The following THRB variants were observed in gnomAD, a reference collection of about 807,000 sequenced individuals.
THRB encodes the protein thyroid hormone receptor beta, also known as nuclear receptor subfamily 1 group A member 2.
A neutral mutation model predicts 47.8 loss-of-function variants in THRB; 12 were observed. That is an observed-to-expected ratio of 0.25 (90% CI 0.16 to 0.41). The LOEUF (loss-of-function observed/expected upper bound fraction) is 0.41. THRB is among the 10% of genes least tolerant of loss of function. The pLI is 1.00. For missense variants in THRB, 348 were observed against 589.2 expected (o/e 0.59, Z 4.24); for synonymous variants, 218 against 212.2 (o/e 1.03, Z -0.24).
chr3:24,444,309 A>G (rs1288256147), intron 1 of THRB, among the ~76,000 whole-genome samples: 1 of 152,204 alleles, frequency 6.6e-6, no homozygotes, highest in Non-Finnish European at 1.5e-5. Flanking sequence ...AAAAATAATT[A>G]TCATTAACAA....
At chr3:24,355,588 G>A (rs2063623506) in intron 1 of THRB, among the ~76,000 whole-genome samples, 2 of 152,072 alleles carry the variant, frequency 1.3e-5, no homozygotes, top group Admixed American at 1.3e-4. Flanking sequence ...TAGGAATGAG[G>A]GCATAAAAGA....
At chr3:24,254,639 G>C (rs2051056004) in intron 3 of THRB, among the ~76,000 whole-genome samples, 1 of 152,172 alleles carries the variant, frequency 6.6e-6, no homozygotes, top group South Asian at 2.1e-4. Flanking sequence ...CAATACTTTG[G>C]ATTCTGTTGA....
In THRB at chr3:24,171,564, G is replaced by A. The variant is rs370351578; in HGVS notation, c.283+18510C>T. Among the ~76,000 whole-genome samples, 34 of 152,260 alleles carry A rather than the reference G, an allele frequency of 2.2e-4. 1 individual carries two copies. The highest frequency in any genetic ancestry group is 7.7e-4 in the African/African-American group (32 of 41,554). On this transcript the variant is annotated intron_variant, in intron 5 of 10. Coordinates refer to ENST00000646209, the MANE Select transcript of THRB (RefSeq NM_001354712.2). Reference sequence around the variant, plus strand: ...GATGAAGTGACTTGTCACATGGTAGGTGGTAGCCGTTGAGGCCGTGACCCA... The same window carrying A: ...GATGAAGTGACTTGTCACATGGTAGATGGTAGCCGTTGAGGCCGTGACCCA...
At chr3:24,453,787 C>G (rs1158984680) in intron 1 of THRB, among the ~76,000 whole-genome samples, 1 of 152,182 alleles carries the variant, frequency 6.6e-6, no homozygotes, top group Non-Finnish European at 1.5e-5. Flanking sequence ...ACCTTACCAT[C>G]TTTCTATTCC....
chr3:24,277,326 C>A lies in THRB; in HGVS notation c.-43+19900G>T, dbSNP rs574459809. 2.6e-5 allele frequency among the ~76,000 whole-genome samples: 4 copies of A among 152,306 alleles called. No individual in the cohort carries two copies. The South Asian group carries it at 8.3e-4, about 32-fold the overall frequency. On this transcript the variant is annotated intron_variant, in intron 3 of 10. Coordinates refer to ENST00000646209, the MANE Select transcript of THRB (RefSeq NM_001354712.2). ...CATCCTACAATACACAGGACACTCT[C>A]TCACAGCAGAGAATCATCTGGTTCA...
At chr3:24,352,167 G>A (rs1343482002) in intron 1 of THRB, among the ~76,000 whole-genome samples, 1 of 152,160 alleles carries the variant, frequency 6.6e-6, no homozygotes, top group East Asian at 1.9e-4. Flanking sequence ...GTTCAGGCAT[G>A]TGAGAATAAA....
chr3:24,309,268 CAT>C (rs1162734558), intron 2 of THRB, among the ~76,000 whole-genome samples: 1 of 152,224 alleles, frequency 6.6e-6, no homozygotes, highest in Non-Finnish European at 1.5e-5. Context: ...CACACACACA[CAT>C]AACTGCAACA....
intron 3 of THRB, among the ~76,000 whole-genome samples, chr3:24,244,547 CA>C (rs544683316): frequency 5.9e-4 from 90 of 152,292 alleles, no homozygotes; most frequent in Non-Finnish European, 1.3e-4. Flanking sequence ...CCACATCTAT[CA>C]AAATTCTGCA....
At position 24,478,972 on chromosome 3, in the gene THRB, T is replaced by C. The variant is rs1360231668; in HGVS notation, c.-261+15680A>G. 2.0e-5 allele frequency among the ~76,000 whole-genome samples: 3 copies of C among 152,064 alleles called. No individual in the cohort carries two copies. In the East Asian group the frequency reaches 5.8e-4, roughly 29 times the overall value. The stretch of plus-strand genomic sequence containing the variant: ...GATAGGGGGAGCAGTGCTAATGAGA[T>C]CCAGTAACTAGAAGCCAGAGATGCT... On this transcript the variant is annotated intron_variant, in intron 1 of 10. Transcript: ENST00000646209.
At chr3:24,154,516 G>A (rs1049511141) in intron 5 of THRB, among the ~76,000 whole-genome samples, 3 of 152,148 alleles carry the variant, frequency 2.0e-5, no homozygotes, top group Non-Finnish European at 2.9e-5. Context: ...ATGAAAAGAT[G>A]CTCAACATCA....
chr3:24,155,952 A>G (rs1289242538), intron 5 of THRB, among the ~76,000 whole-genome samples: 2 of 152,228 alleles, frequency 1.3e-5, no homozygotes, highest in African/African-American at 2.4e-5. Context: ...CAAAAATGAT[A>G]TATTTCCCTC....
intron 5 of THRB, among the ~76,000 whole-genome samples, chr3:24,172,675 A>T (rs2040586392): frequency 6.6e-6 from 1 of 152,124 alleles, no homozygotes; most frequent in African/African-American, 2.4e-5. Flanking sequence ...AGTGGAAAAA[A>T]ATTGGCTCTG....
intron 1 of THRB, among the ~76,000 whole-genome samples, chr3:24,357,472 C>T (rs1351492693): frequency 6.7e-6 from 1 of 148,810 alleles, no homozygotes; most frequent in East Asian, 2.0e-4. Flanking sequence ...TTCAAAAGAG[C>T]ATATCATGAA....
intron 1 of THRB, among the ~76,000 whole-genome samples, chr3:24,378,486 A>C (rs2065456619): frequency 6.6e-6 from 1 of 152,128 alleles, no homozygotes; most frequent in Non-Finnish European, 1.5e-5. Flanking sequence ...GATCACGGTG[A>C]TCATGGAAAG....
At chr3:24,368,804 T>G (rs1437883278) in intron 1 of THRB, among the ~76,000 whole-genome samples, 1 of 152,178 alleles carries the variant, frequency 6.6e-6, no homozygotes, top group African/African-American at 2.4e-5. Context: ...CTTCCCACTT[T>G]GAATATGTTA....
intron 1 of THRB, among the ~76,000 whole-genome samples, chr3:24,387,994 C>A (rs968350667): frequency 6.6e-6 from 1 of 152,070 alleles, no homozygotes; most frequent in Non-Finnish European, 1.5e-5. Flanking sequence ...GCAACACAGT[C>A]CATGCAGAAA....
At chr3:24,124,366 TTCTC>T (rs1409962995) in intron 10 of THRB, among the ~76,000 whole-genome samples, 2 of 152,230 alleles carry the variant, frequency 1.3e-5, no homozygotes, top group Admixed American at 6.5e-5. Context: ...TTCCCCTATC[TTCTC>T]TCTTTCTTTG....
chr3:24,177,510 A>C (rs1322434847), intron 5 of THRB, among the ~76,000 whole-genome samples: 2 of 152,256 alleles, frequency 1.3e-5, no homozygotes, highest in African/African-American at 2.4e-5. Context: ...ATCTGCAGTG[A>C]ATCAAACAGG....
At chr3:24,273,182 G>T (rs916455463) in intron 3 of THRB, among the ~76,000 whole-genome samples, 9 of 151,962 alleles carry the variant, frequency 5.9e-5, no homozygotes, top group African/African-American at 2.2e-4. Context: ...TTCTATCCAG[G>T]ACCTGCCAAC....
Sources: allele counts gnomAD v4.1 joint callset (sites outside exome capture counted in the v4.1 genomes callset), GRCh38; gene constraint gnomAD v4.1.1; transcripts MANE v1.5; gene names NCBI Gene and HGNC (gene_info 2026-07-23, HGNC 2026-07-21).